LDB2: variants seen among roughly 807,000 people sequenced by gnomAD.
LDB2 encodes the protein LIM domain binding 2.
LDB2 carries 12 observed loss-of-function variants against 44.3 expected under a neutral mutation model. The ratio of observed to expected loss-of-function variants is 0.27; its 90% CI spans 0.17 to 0.44. The LOEUF is 0.44. Ranked by LOEUF, LDB2 falls within the 20% of genes least tolerant of loss-of-function variation. The probability of loss-of-function intolerance (pLI) is 1.00; values close to 1 mark genes in which losing one functional copy is unlikely to be tolerated. For missense variants in LDB2, 344 were observed against 473.5 expected (o/e 0.73, Z 2.54); for synonymous variants, 164 against 174.8 (o/e 0.94, Z 0.49).
intron 2 of LDB2, among the ~76,000 whole-genome samples, chr4:16,674,486 C>T (rs1370563428): frequency 6.6e-6 from 1 of 152,096 alleles, no homozygotes; most frequent in Non-Finnish European, 1.5e-5. Flanking sequence ...AGGGTGGATG[C>T]CTCCATGCTT....
chr4:16,820,476 G>A (rs988943822), intron 1 of LDB2, among the ~76,000 whole-genome samples: 5 of 152,148 alleles, frequency 3.3e-5, no homozygotes, highest in African/African-American at 4.8e-5. Flanking sequence ...GGGAAAAACC[G>A]TCAGTGATGA....
At chr4:16,568,854 T>C (rs1465592616) in intron 5 of LDB2, among the ~76,000 whole-genome samples, 16 of 152,232 alleles carry the variant, frequency 1.1e-4, no homozygotes, top group East Asian at 7.7e-4. Context: ...AAGTAATTAA[T>C]TGACAAAGGA....
intron 2 of LDB2, among the ~76,000 whole-genome samples, chr4:16,757,875 G>A (rs947789844): frequency 6.6e-6 from 1 of 152,050 alleles, no homozygotes; most frequent in Admixed American, 6.6e-5. Flanking sequence ...TCACTTTGTT[G>A]AATATAAAGG....
At chr4:16,585,875 G>T (rs757006831) in intron 5 of LDB2, 47 bp downstream of exon 5, 2 of 1,441,538 alleles carry the variant, frequency 1.4e-6, no homozygotes, top group South Asian at 2.3e-5. Flanking sequence ...AACCTCTGGA[G>T]TACTTTTCAA....
At chr4:16,517,305 T>A (rs1277825015) in intron 5 of LDB2, among the ~76,000 whole-genome samples, 1 of 151,938 alleles carries the variant, frequency 6.6e-6, no homozygotes, top group Non-Finnish European at 1.5e-5. Context: ...TGAGCCAGGT[T>A]ACAAGATATA....
chr4:16,552,044 T>C (rs1435696515), intron 5 of LDB2, among the ~76,000 whole-genome samples: 2 of 152,210 alleles, frequency 1.3e-5, no homozygotes, highest in Admixed American at 6.5e-5. Context: ...ATTTGTAGGC[T>C]GTCTTCTAGG....
At chr4:16,750,409 C>T (rs894084126) in intron 2 of LDB2, among the ~76,000 whole-genome samples, 2 of 152,214 alleles carry the variant, frequency 1.3e-5, no homozygotes, top group Admixed American at 1.3e-4. Flanking sequence ...GGTAGAAGGC[C>T]TGCAATGCAG....
chr4:16,608,922 T>C (rs1352601963), intron 2 of LDB2, among the ~76,000 whole-genome samples: 2 of 152,192 alleles, frequency 1.3e-5, no homozygotes, highest in African/African-American at 4.8e-5. Context: ...CTTCTGTCAT[T>C]ATTAAAAACT....
rs374147503 is a variant in LDB2, at chr4:16,582,608, G to A, written c.615+3314C>T. 6.6e-6 allele frequency among the ~76,000 whole-genome samples: 1 copy of A among 152,120 alleles called. No individual in the cohort carries two copies. The highest frequency in any genetic ancestry group is 1.5e-5 in the Non-Finnish European group (1 of 68,020). On this transcript the variant is annotated intron_variant, in intron 5 of 7. Transcript: ENST00000304523. The surrounding 1 kb of genome is among the most constrained non-coding windows in gnomAD (Gnocchi z 4.8). ...TTCGTGAAACCCACCACCCGGTATC[G>A]GAATACCCAACAGCAACAAAATAAT... is the stretch of plus-strand genomic sequence containing the variant.
At chr4:16,685,142 A>G (rs1748903279) in intron 2 of LDB2, among the ~76,000 whole-genome samples, 2 of 152,230 alleles carry the variant, frequency 1.3e-5, no homozygotes, top group South Asian at 4.1e-4. Context: ...AACTTTCTGT[A>G]TAAAATAAAT....
intron 7 of LDB2, among the ~76,000 whole-genome samples, chr4:16,508,218 G>A (rs759631810): frequency 6.6e-6 from 1 of 152,228 alleles, no homozygotes; most frequent in Non-Finnish European, 1.5e-5. Flanking sequence ...ACGCCACCAG[G>A]CATGCTGCTA....
intron 1 of LDB2, among the ~76,000 whole-genome samples, chr4:16,884,117 A>T (rs1302057965): frequency 2.0e-5 from 3 of 152,152 alleles, no homozygotes; most frequent in Non-Finnish European, 4.4e-5. Context: ...GGCATAGCAG[A>T]TTGCTTCACT....
At position 16,582,001 on chromosome 4, in the gene LDB2, GGA is replaced by G. The variant is rs1214733246; in HGVS notation, c.615+3919_615+3920del. Among the ~76,000 whole-genome samples the G allele has an allele frequency of 1.4e-4, 3 of 20,936 alleles. No homozygotes were observed. Among genetic ancestry groups the G allele is most frequent in the Non-Finnish European group, 4.5e-4 (3 of 6,636 alleles). The allele number at this position is 20,936 out of a possible 152,430, so 13.7% of individuals were successfully genotyped here. A position where few individuals can be genotyped will look rare whatever the true frequency, so the allele number is the denominator to read the frequency against. Reference sequence around the variant, plus strand: ...AAGGAAGGGAAGGAAGGGAAGGAAGGGAAGGAAGGAAGGAAGGAAGGAAGGAA... The same window carrying G: ...AAGGAAGGGAAGGAAGGGAAGGAAGGAGGAAGGAAGGAAGGAAGGAAGGAA... On this transcript the variant is annotated intron_variant, in intron 5 of 7. Coordinates refer to ENST00000304523, the MANE Select transcript of LDB2 (RefSeq NM_001290.5). The surrounding 1 kb of genome is among the most constrained non-coding windows in gnomAD (Gnocchi z 4.8).
At chr4:16,765,082 C>T (rs553426990) in intron 1 of LDB2, among the ~76,000 whole-genome samples, 9 of 152,308 alleles carry the variant, frequency 5.9e-5, no homozygotes, top group East Asian at 3.9e-4. Context: ...GTATAGCACA[C>T]GCTCTTAAAA....
intron 2 of LDB2, among the ~76,000 whole-genome samples, chr4:16,694,291 C>T (rs974368336): frequency 7.2e-5 from 11 of 152,190 alleles, no homozygotes; most frequent in African/African-American, 1.7e-4. Flanking sequence ...TGCGCATTCA[C>T]ACTTTCCACC....
chr4:16,821,025 T>C (rs1468971088), intron 1 of LDB2, among the ~76,000 whole-genome samples: 1 of 152,232 alleles, frequency 6.6e-6, no homozygotes, highest in Non-Finnish European at 1.5e-5. Flanking sequence ...AATTTTTAAA[T>C]GGATTGACCA....
chr4:16,646,255 G>A (rs1025312535), intron 2 of LDB2, among the ~76,000 whole-genome samples: 4 of 151,898 alleles, frequency 2.6e-5, no homozygotes, highest in African/African-American at 4.8e-5. Flanking sequence ...CTCTCTTTCC[G>A]CTTTCTTTTT....
At chr4:16,651,013 A>G (rs1034507320) in intron 2 of LDB2, among the ~76,000 whole-genome samples, 2 of 152,212 alleles carry the variant, frequency 1.3e-5, no homozygotes, top group African/African-American at 4.8e-5. Context: ...CTTTCACCCT[A>G]TATTTCCCAA....
intron 2 of LDB2, among the ~76,000 whole-genome samples, chr4:16,743,234 G>A (rs1763699292): frequency 6.6e-6 from 1 of 152,116 alleles, no homozygotes; most frequent in Non-Finnish European, 1.5e-5. Context: ...AGTTTGCAGT[G>A]AGCCGGGATC....
Sources: gnomAD v4.1 joint callset for allele counts (sites outside exome capture counted in the v4.1 genomes callset) on GRCh38, gnomAD v4.1.1 for gene constraint, Gnocchi (gnomAD v3.1) non-coding constraint, MANE v1.5 for transcripts, NCBI Gene and HGNC (gene_info 2026-07-23, HGNC 2026-07-21) for gene names.